The following ASIC2 variants were observed in gnomAD, a reference collection of about 807,000 sequenced individuals.
ASIC2 encodes the protein acid-sensing ion channel 2.
A neutral mutation model predicts 57.3 loss-of-function variants in ASIC2; 25 were observed. The observed-to-expected ratio is 0.44, with a 90% CI of 0.32 to 0.61. The LOEUF (loss-of-function observed/expected upper bound fraction) is 0.61, where lower values mean the gene tolerates loss of function less well. Ranked by LOEUF, ASIC2 falls within the 20% of genes least tolerant of loss-of-function variation. The pLI is 0.06. For missense variants in ASIC2, 641 were observed against 738.1 expected (o/e 0.87, Z 1.52); for synonymous variants, 319 against 307.5 (o/e 1.04, Z -0.39).
chr17:33,152,217 C>T (rs1218089233), intron 1 of ASIC2, among the ~76,000 whole-genome samples: 1 of 152,166 alleles, frequency 6.6e-6, no homozygotes, highest in Non-Finnish European at 1.5e-5. Context: ...CTTCCCACTG[C>T]CCAGTGAAGC....
chr17:33,987,777 C>T (rs767026833), intron 1 of ASIC2, among the ~76,000 whole-genome samples: 5 of 152,194 alleles, frequency 3.3e-5, no homozygotes, highest in African/African-American at 1.2e-4. Flanking sequence ...TGTGTTCACC[C>T]ATGCTTTCAC....
At chr17:33,069,289 C>A (rs926202383) in intron 3 of ASIC2, among the ~76,000 whole-genome samples, 1 of 152,124 alleles carries the variant, frequency 6.6e-6, no homozygotes, top group Non-Finnish European at 1.5e-5. Context: ...TGTGTGTACT[C>A]GTAAAGAATG....
intron 3 of ASIC2, among the ~76,000 whole-genome samples, chr17:33,077,826 AG>A (rs1183922586): frequency 1.3e-5 from 2 of 152,132 alleles, no homozygotes; most frequent in African/African-American, 4.8e-5. Context: ...TTGTCAAGGG[AG>A]TGTGACAGTC....
Position 33,777,511 on chromosome 17 carries a change from G to A in ASIC2, c.555+378467C>T, listed in dbSNP as rs144939308. 2.1e-4 allele frequency among the ~76,000 whole-genome samples: 31 copies of A among 145,014 alleles called. No homozygotes were observed. In the East Asian group the frequency reaches 6.9e-3, roughly 32 times the overall value. ...AAGGAAAGTCCCCACCTCCCTCCCA[G>A]CCCACCAACCCACCATGACACATCT... On this transcript the variant is annotated intron_variant, in intron 1 of 9. Coordinates refer to the ASIC2 transcript ENST00000359872.
chr17:33,847,340 G>T (rs1170175776), intron 1 of ASIC2, among the ~76,000 whole-genome samples: 2 of 151,942 alleles, frequency 1.3e-5, no homozygotes, highest in Non-Finnish European at 2.9e-5. Context: ...CCAACTCTCT[G>T]CCATGAGGTT....
intron 1 of ASIC2, among the ~76,000 whole-genome samples, chr17:33,522,944 C>T (rs925676938): frequency 2.0e-5 from 3 of 152,076 alleles, no homozygotes; most frequent in East Asian, 1.9e-4. Flanking sequence ...CCCCACCCAC[C>T]GCAAGCCCAA....
chr17:34,047,998 C>T (rs183947118), intron 1 of ASIC2, among the ~76,000 whole-genome samples: 17 of 152,308 alleles, frequency 1.1e-4, no homozygotes, highest in Admixed American at 9.8e-4. Flanking sequence ...GCTTTGGACC[C>T]TTTCAAAAAC....
At chr17:33,385,833 C>T (rs917196757) in intron 1 of ASIC2, among the ~76,000 whole-genome samples, 1 of 152,180 alleles carries the variant, frequency 6.6e-6, no homozygotes, top group Non-Finnish European at 1.5e-5. Flanking sequence ...AGAGGAATCC[C>T]TGTCTGGAGG....
At chr17:33,566,683 G>A (rs542814170) in intron 1 of ASIC2, among the ~76,000 whole-genome samples, 28 of 152,040 alleles carry the variant, frequency 1.8e-4, no homozygotes, top group African/African-American at 5.3e-4. Context: ...TTTCAGGTCC[G>A]GGCACAGTAA....
rs1159278259 is a variant in ASIC2 at position 33,692,132 on chromosome 17, CAAT to C, written c.555+463843_555+463845del. 2.0e-5 allele frequency: 3 copies of C among 152,140 alleles called. No individual in the cohort carries two copies. The East Asian group carries it at 5.8e-4, about 29-fold the overall frequency. The allele number at this position is 152,140 out of a possible 1,614,324, so 9.4% of individuals were successfully genotyped here. ...TACACCATATTCTACACACCATACT[CAAT>C]ACACCATATTCTATAGTTAGGTAAG... On this transcript the variant is annotated intron_variant, in intron 1 of 9. Transcript: ENST00000359872.
chr17:33,990,665 T>TA (rs1233869929), intron 1 of ASIC2, among the ~76,000 whole-genome samples: 1 of 152,124 alleles, frequency 6.6e-6, no homozygotes, highest in Non-Finnish European at 1.5e-5. Flanking sequence ...TGTAGTTCTT[T>TA]CCCTGAAAGG....
At chr17:33,662,742 C>CTCCCTTCCTTCCT (rs1907329012) in intron 1 of ASIC2, among the ~76,000 whole-genome samples, 1 of 133,974 alleles carries the variant, frequency 7.5e-6, no homozygotes, top group African/African-American at 2.7e-5. Flanking sequence ...CCCTCCTTCC[C>CTCCCTTCCTTCCT]TCCCTTCCTT....
intron 1 of ASIC2, among the ~76,000 whole-genome samples, chr17:33,994,339 C>A (rs900565165): frequency 2.0e-5 from 3 of 152,142 alleles, no homozygotes; most frequent in African/African-American, 7.2e-5. Flanking sequence ...ATGTCACCCA[C>A]CTGGAATGAT....
chr17:33,710,142 T>C (rs1908982836), intron 1 of ASIC2, among the ~76,000 whole-genome samples: 1 of 152,198 alleles, frequency 6.6e-6, no homozygotes, highest in South Asian at 2.1e-4. Context: ...CCAATGTCCA[T>C]CCCTCTCTAA....
At chr17:33,864,293 A>T (rs1247618481) in intron 1 of ASIC2, among the ~76,000 whole-genome samples, 1 of 152,228 alleles carries the variant, frequency 6.6e-6, no homozygotes, top group East Asian at 1.9e-4. Flanking sequence ...TTATGGGGAA[A>T]AAAAGTCAAT....
At chr17:33,650,843 A>T (rs280044) in intron 1 of ASIC2, among the ~76,000 whole-genome samples, 1 of 152,010 alleles carries the variant, frequency 6.6e-6, no homozygotes, top group African/African-American at 2.4e-5. Context: ...GAGTGGAAGG[A>T]AAGGGGCTGT....
chr17:33,453,914 C>T (rs1248371765), intron 1 of ASIC2, among the ~76,000 whole-genome samples: 4 of 152,140 alleles, frequency 2.6e-5, no homozygotes, highest in Admixed American at 6.6e-5. Flanking sequence ...TTCTTTCACT[C>T]GAGGTAATTA....
chr17:33,213,582 A>G (rs577920538), intron 1 of ASIC2, among the ~76,000 whole-genome samples: 84 of 152,308 alleles, frequency 5.5e-4, no homozygotes, highest in Middle Eastern at 3.4e-3. Context: ...TCCCTAGTTC[A>G]GGTCCTGTTA....
At chr17:33,580,538 A>G (rs1904399262) in intron 1 of ASIC2, among the ~76,000 whole-genome samples, 2 of 152,152 alleles carry the variant, frequency 1.3e-5, no homozygotes, top group South Asian at 4.1e-4. Flanking sequence ...ACTAAAACCA[A>G]TGCCAGGCTG....
Sources: allele counts gnomAD v4.1 joint callset (sites outside exome capture counted in the v4.1 genomes callset), GRCh38; gene constraint gnomAD v4.1.1; transcripts MANE v1.5; gene names NCBI Gene and HGNC (gene_info 2026-07-23, HGNC 2026-07-21).